PDGFD: variants seen among roughly 807,000 people sequenced by gnomAD.
PDGFD encodes platelet derived growth factor D.
A neutral mutation model predicts 44.7 loss-of-function variants in PDGFD; 30 were observed. The observed-to-expected ratio is 0.67, with a 90% CI of 0.50 to 0.91. The LOEUF (loss-of-function observed/expected upper bound fraction) is 0.91, where lower values mean the gene tolerates loss of function less well. PDGFD is among the 40% of genes least tolerant of loss of function. PDGFD has a pLI of 0.00. For synonymous variants in PDGFD, 173 were observed against 168.4 expected (o/e 1.03, Z -0.21); for missense variants, 445 against 457.8 (o/e 0.97, Z 0.25).
chr11:103,971,213 C>T (rs535375780), intron 3 of PDGFD, among the ~76,000 whole-genome samples: 15 of 152,172 alleles, frequency 9.9e-5, no homozygotes, highest in South Asian at 2.1e-4. Flanking sequence ...ATGAAAATCA[C>T]ATTTGTAGTT....
chr11:104,001,124 T>C (rs1313226566), intron 1 of PDGFD, among the ~76,000 whole-genome samples: 1 of 152,190 alleles, frequency 6.6e-6, no homozygotes, highest in Non-Finnish European at 1.5e-5. Context: ...ACCTGATCTC[T>C]CTCCCAACCT....
chr11:103,944,482 T>C (rs1416188251), intron 4 of PDGFD, among the ~76,000 whole-genome samples: 1 of 152,144 alleles, frequency 6.6e-6, no homozygotes, highest in Non-Finnish European at 1.5e-5. Context: ...TTAAAATTCA[T>C]GACCCATTAA....
At chr11:104,083,683 A>T (rs551337736) in intron 1 of PDGFD, among the ~76,000 whole-genome samples, 7 of 152,332 alleles carry the variant, frequency 4.6e-5, no homozygotes, top group African/African-American at 1.7e-4. Context: ...ACTGAAAAAA[A>T]TCTTAAAATG....
intron 6 of PDGFD, among the ~76,000 whole-genome samples, chr11:103,913,516 A>C (rs1272656965): frequency 1.3e-5 from 2 of 152,240 alleles, no homozygotes; most frequent in Non-Finnish European, 2.9e-5. Flanking sequence ...GTAGAGGGAA[A>C]TTTATAGCAC....
At chr11:103,998,391 A>C (rs1474609035) in intron 2 of PDGFD, among the ~76,000 whole-genome samples, 2 of 152,148 alleles carry the variant, frequency 1.3e-5, no homozygotes, top group African/African-American at 4.8e-5. Flanking sequence ...GAGGGCCTGG[A>C]GATGGAGTTC....
chr11:104,043,824 G>A (rs562047539), intron 1 of PDGFD, among the ~76,000 whole-genome samples: 18 of 152,160 alleles, frequency 1.2e-4, no homozygotes, highest in South Asian at 2.1e-4. Flanking sequence ...TCAGTACTGC[G>A]GGGAGCACAC....
At chr11:104,158,414 G>A (rs1390532272) in intron 1 of PDGFD, among the ~76,000 whole-genome samples, 1 of 152,172 alleles carries the variant, frequency 6.6e-6, no homozygotes, top group African/African-American at 2.4e-5. Flanking sequence ...ACTGACAATT[G>A]TTTGTCTATA....
At chr11:104,054,642 T>C (rs1015384269) in intron 1 of PDGFD, among the ~76,000 whole-genome samples, 1 of 152,158 alleles carries the variant, frequency 6.6e-6, no homozygotes, top group Non-Finnish European at 1.5e-5. Context: ...GGGGAATAGA[T>C]AGGAGAGGAG....
At chr11:104,004,218 T>C (rs777115871) in intron 1 of PDGFD, among the ~76,000 whole-genome samples, 1 of 152,152 alleles carries the variant, frequency 6.6e-6, no homozygotes, top group Non-Finnish European at 1.5e-5. Context: ...CTTTCCTTCT[T>C]ATGTAGTTTG....
chr11:104,156,507 A>T (rs564317417), intron 1 of PDGFD, among the ~76,000 whole-genome samples: 10 of 152,358 alleles, frequency 6.6e-5, no homozygotes, highest in African/African-American at 2.4e-4. Context: ...CAAGGAAAAA[A>T]TCTAAAATCT....
chr11:104,087,217 C>T lies in PDGFD; in HGVS notation c.124+76587G>A, dbSNP rs1861144639. Among the ~76,000 whole-genome samples, 4 of 106,742 alleles carry T rather than the reference C, an allele frequency of 3.7e-5. No homozygotes were observed. The South Asian group carries it at 1.2e-3, about 31-fold the overall frequency. The allele number at this position is 106,742 out of a possible 152,430, so 70.0% of individuals were successfully genotyped here. On this transcript the variant is annotated intron_variant, in intron 1 of 6. Coordinates refer to ENST00000393158, the MANE Select transcript of PDGFD (RefSeq NM_025208.5). ...CTAATTTTTTTTTTTTTTTTTGAGA[C>T]AGAGTCTTGCTCTTGTCAACTAGGC... is the stretch of plus-strand genomic sequence containing the variant.
At chr11:104,123,837 T>C (rs995098269) in intron 1 of PDGFD, among the ~76,000 whole-genome samples, 2 of 152,054 alleles carry the variant, frequency 1.3e-5, no homozygotes, top group Non-Finnish European at 2.9e-5. Flanking sequence ...GTTGTAGTCA[T>C]TGGGTGCTGA....
chr11:103,958,665 C>T (rs879308405), intron 3 of PDGFD, among the ~76,000 whole-genome samples: 3 of 152,124 alleles, frequency 2.0e-5, no homozygotes, highest in Admixed American at 6.6e-5. Context: ...AGAGGAAATA[C>T]TGTTTCATGC....
intron 3 of PDGFD, among the ~76,000 whole-genome samples, chr11:103,957,363 C>A (rs1858867162): frequency 6.6e-6 from 1 of 152,134 alleles, no homozygotes; most frequent in Non-Finnish European, 1.5e-5. Context: ...TTGGAAAAAA[C>A]TACTTTAAAG....
intron 1 of PDGFD, among the ~76,000 whole-genome samples, chr11:104,033,310 T>A (rs977522640): frequency 6.6e-6 from 1 of 152,124 alleles, no homozygotes; most frequent in Non-Finnish European, 1.5e-5. Flanking sequence ...AAGGGGTGGA[T>A]GGGTGGCTGG....
At chr11:104,138,478 C>T (rs1207269102) in intron 1 of PDGFD, among the ~76,000 whole-genome samples, 2 of 152,122 alleles carry the variant, frequency 1.3e-5, no homozygotes, top group South Asian at 2.1e-4. Context: ...TCCTCCTAGC[C>T]CTATGTGTAT....
intron 1 of PDGFD, among the ~76,000 whole-genome samples, chr11:104,019,794 T>A (rs948975721): frequency 3.3e-5 from 5 of 152,026 alleles, no homozygotes; most frequent in Non-Finnish European, 7.4e-5. Flanking sequence ...GTGTCTATTA[T>A]AGAAGGGCTG....
chr11:104,029,343 A>G (rs955741326), intron 1 of PDGFD, among the ~76,000 whole-genome samples: 1 of 152,154 alleles, frequency 6.6e-6, no homozygotes, highest in Non-Finnish European at 1.5e-5. Context: ...GCTTTTGTTG[A>G]TCAGTCTTTG....
intron 3 of PDGFD, among the ~76,000 whole-genome samples, chr11:103,969,313 C>A (rs933061293): frequency 6.6e-6 from 1 of 152,048 alleles, no homozygotes; most frequent in African/African-American, 2.4e-5. Flanking sequence ...CTTTTTAAAA[C>A]CATCTTTATT....
Sources: gnomAD v4.1 joint callset for allele counts (sites outside exome capture counted in the v4.1 genomes callset) on GRCh38, gnomAD v4.1.1 for gene constraint, MANE v1.5 for transcripts, NCBI Gene and HGNC (gene_info 2026-07-23, HGNC 2026-07-21) for gene names.